ERGIC1: variants seen among roughly 807,000 people sequenced by gnomAD.
ERGIC1 encodes endoplasmic reticulum-Golgi intermediate compartment protein 1.
A neutral mutation model predicts 38.3 loss-of-function variants in ERGIC1; 19 were observed. The ratio of observed to expected loss-of-function variants is 0.50; its 90% confidence interval spans 0.35 to 0.73. The LOEUF is 0.73. ERGIC1 is among the 30% of genes least tolerant of loss of function. The pLI is 0.01. For missense variants in ERGIC1, 294 were observed against 389.2 expected, an observed-to-expected ratio of 0.76 and a Z score of 2.06; for synonymous variants, 124 against 157.6, an observed-to-expected ratio of 0.79 and a Z score of 1.60.
At chr5:172,933,456 G>T (rs553146467) in intron 8 of ERGIC1, 1 of 152,300 alleles carries the variant, frequency 6.6e-6, no homozygotes, top group Admixed American at 6.5e-5. Flanking sequence ...GCACTGAGAG[G>T]TGGTTGTAGA....
chr5:172,934,702 G>A, intron 8 of ERGIC1: 1 of 197,190 alleles, frequency 5.1e-6, no homozygotes, highest in Non-Finnish European at 1.1e-5. Flanking sequence ...CACAGTGTTA[G>A]GGATATTCTT....
intron 1 of ERGIC1, among the ~76,000 whole-genome samples, chr5:172,850,962 G>A (rs1761388073): frequency 6.6e-6 from 1 of 152,140 alleles, no homozygotes; most frequent in African/African-American, 2.4e-5. Context: ...CACTTTGGGA[G>A]GCTGAGGTGA....
At chr5:172,915,629 G>A (rs1371835528) in intron 5 of ERGIC1, 5 of 471,040 alleles carry the variant, frequency 1.1e-5, no homozygotes, top group East Asian at 6.9e-5. Flanking sequence ...GGCCTTCCTC[G>A]AAGCTCGGTA....
intron 6 of ERGIC1, among the ~76,000 whole-genome samples, chr5:172,925,379 C>A (rs547771985): frequency 5.9e-5 from 9 of 152,334 alleles, no homozygotes; most frequent in African/African-American, 2.2e-4. Context: ...AGCCTTCACA[C>A]GGTCAGTCTC....
chr5:172,910,546 CG>C (rs1763180373), intron 4 of ERGIC1, among the ~76,000 whole-genome samples: 1 of 120,920 alleles, frequency 8.3e-6, no homozygotes, highest in Admixed American at 8.2e-5. Context: ...TTTTTTGAGA[CG>C]GAGTTTCACT....
rs1764149371 is a variant in ERGIC1, at chr5:172,947,487, T to TATC, written c.766-3222_766-3221insATC. ...GTGCCCAGCTGAGTTATCTCAGCTT[T>TATC]GAGGAAACCCCCCTGGAATGTGTGA... is the stretch of plus-strand genomic sequence containing the variant. On this transcript the variant is annotated intron_variant, in intron 9 of 9. Coordinates refer to ENST00000393784, the MANE Select transcript of ERGIC1 (RefSeq NM_001031711.3). 3.3e-5 allele frequency among the ~76,000 whole-genome samples: 5 copies of TATC among 152,354 alleles called. No individual in the cohort carries two copies. In the South Asian group the frequency reaches 1.0e-3, roughly 32 times the overall value.
chr5:172,930,187 C>CAA (rs377062885), intron 7 of ERGIC1, among the ~76,000 whole-genome samples: 38,925 of 107,458 alleles, frequency 0.36, 5,979 homozygotes, highest in Non-Finnish European at 0.43. Context: ...AACTCCGTTT[C>CAA]AAAAAAAAAA....
intron 1 of ERGIC1, among the ~76,000 whole-genome samples, chr5:172,877,819 TG>T (rs1020471512): frequency 7.9e-5 from 12 of 152,216 alleles, no homozygotes; most frequent in Non-Finnish European, 1.8e-4. Context: ...TATTTTCACC[TG>T]GAGTTCACTG....
chr5:172,866,262 C>T (rs968791227), intron 1 of ERGIC1, among the ~76,000 whole-genome samples: 1 of 152,064 alleles, frequency 6.6e-6, no homozygotes, highest in African/African-American at 2.4e-5. Flanking sequence ...GGGAGAGAAG[C>T]GGAGGGAGGT....
chr5:172,915,117 C>A, intron 5 of ERGIC1: 1 of 695,004 alleles, frequency 1.4e-6, no homozygotes, highest in South Asian at 1.5e-5. Flanking sequence ...TTTGCAGCCC[C>A]CAGCCCTGGG....
chr5:172,874,891 C>T (rs2113187071), intron 1 of ERGIC1, among the ~76,000 whole-genome samples: 1 of 148,864 alleles, frequency 6.7e-6, no homozygotes, highest in East Asian at 2.0e-4. Context: ...CGCCACTGCA[C>T]TCCAGCCTGG....
intron 5 of ERGIC1, among the ~76,000 whole-genome samples, chr5:172,919,549 G>A (rs1020032179): frequency 6.6e-6 from 1 of 152,182 alleles, no homozygotes. Context: ...TGTCCTTTGG[G>A]GTCAGACAGA....
intron 1 of ERGIC1, among the ~76,000 whole-genome samples, chr5:172,863,679 A>G (rs1307124700): frequency 6.6e-6 from 1 of 151,312 alleles, no homozygotes; most frequent in Non-Finnish European, 1.5e-5. Context: ...AAAAAAAAAG[A>G]AAGAAAAAAA....
At chr5:172,915,179 C>G (rs886567546) in intron 5 of ERGIC1, 1 of 625,014 alleles carries the variant, frequency 1.6e-6, no homozygotes, top group Non-Finnish European at 2.9e-6. Flanking sequence ...CTTGACCCAT[C>G]TTAGGCTGAG....
At chr5:172,838,607 A>G (rs1761086760) in intron 1 of ERGIC1, among the ~76,000 whole-genome samples, 1 of 152,100 alleles carries the variant, frequency 6.6e-6, no homozygotes, top group South Asian at 2.1e-4. Context: ...TTTAAAAAAA[A>G]ATTATATAGA....
chr5:172,857,714 A>AC (rs1033473229), intron 1 of ERGIC1, among the ~76,000 whole-genome samples: 2 of 151,016 alleles, frequency 1.3e-5, no homozygotes, highest in Non-Finnish European at 2.9e-5. Flanking sequence ...TGGCCCCAGG[A>AC]CCCCAGGCAC....
chr5:172,835,168 C>T (rs1761004148), intron 1 of ERGIC1, among the ~76,000 whole-genome samples: 1 of 152,184 alleles, frequency 6.6e-6, no homozygotes, highest in Non-Finnish European at 1.5e-5. Flanking sequence ...AGATCTCCAC[C>T]AGAGGTTCCC....
At chr5:172,925,950 T>C (rs1440312349) in intron 6 of ERGIC1, among the ~76,000 whole-genome samples, 1 of 152,214 alleles carries the variant, frequency 6.6e-6, no homozygotes, top group African/African-American at 2.4e-5. Context: ...AGGAGGGTTT[T>C]CTTCACATCT....
At chr5:172,930,703 ATTCC>A (rs1763758879) in intron 7 of ERGIC1, among the ~76,000 whole-genome samples, 1 of 152,034 alleles carries the variant, frequency 6.6e-6, no homozygotes, top group Non-Finnish European at 1.5e-5. Flanking sequence ...TCACTTTTTC[ATTCC>A]TTCAAGTTTT....
Sources: allele counts gnomAD v4.1 joint callset (sites outside exome capture counted in the v4.1 genomes callset), GRCh38; gene constraint gnomAD v4.1.1; transcripts MANE v1.5; gene names NCBI Gene and HGNC (gene_info 2026-07-23, HGNC 2026-07-21).